LRMDA: variants seen among roughly 807,000 people sequenced by gnomAD.
LRMDA encodes leucine rich melanocyte differentiation associated, also known as leucine-rich melanocyte differentiation-associated protein.
A neutral mutation model predicts 29.8 loss-of-function variants in LRMDA; 18 were observed. The observed-to-expected ratio is 0.60, with a 90% confidence interval of 0.42 to 0.90. The LOEUF is 0.90. LRMDA is among the 40% of genes least tolerant of loss of function. The pLI, the probability that LRMDA is intolerant of heterozygous loss-of-function variation, is 0.00. For missense variants in LRMDA, 273 were observed against 273.9 expected (o/e 1.00, Z 0.02); for synonymous variants, 125 against 109.4 (o/e 1.14, Z -0.89).
chr10:76,555,003 C>T (rs533007305), intron 6 of LRMDA, among the ~76,000 whole-genome samples: 1 of 152,182 alleles, frequency 6.6e-6, no homozygotes, highest in East Asian at 1.9e-4. Context: ...TTCATGTTAT[C>T]CTAGTGCCAT....
chr10:75,746,732 G>T (rs771308116), intron 2 of LRMDA, among the ~76,000 whole-genome samples: 3 of 152,058 alleles, frequency 2.0e-5, no homozygotes, highest in Admixed American at 2.0e-4. Flanking sequence ...ATTTTTGGGG[G>T]GGGAGCTTAT....
At chr10:76,453,423 C>T (rs1021924748) in intron 6 of LRMDA, among the ~76,000 whole-genome samples, 4 of 152,158 alleles carry the variant, frequency 2.6e-5, no homozygotes, top group African/African-American at 9.7e-5. Context: ...ATATGACATA[C>T]AGAGTCTTCT....
At chr10:75,743,387 C>CT (rs1216622858) in intron 2 of LRMDA, 2 of 152,218 alleles carry the variant, frequency 1.3e-5, no homozygotes, top group African/African-American at 4.8e-5. Context: ...GTGGAGCTGC[C>CT]TGGGATGAGC....
chr10:75,779,932 A>C (rs929906348), intron 2 of LRMDA, among the ~76,000 whole-genome samples: 8 of 152,234 alleles, frequency 5.3e-5, no homozygotes, highest in African/African-American at 1.9e-4. Flanking sequence ...ATGAAATCAT[A>C]CTGGATTTAG....
chr10:75,940,573 A>G (rs2132409316), intron 2 of LRMDA, among the ~76,000 whole-genome samples: 1 of 152,202 alleles, frequency 6.6e-6, no homozygotes, highest in African/African-American at 2.4e-5. Flanking sequence ...GGCACTTGGC[A>G]CTTTCTGTCT....
chr10:75,761,322 CTA>C (rs1334981031), intron 2 of LRMDA, among the ~76,000 whole-genome samples: 2 of 152,146 alleles, frequency 1.3e-5, no homozygotes, highest in Non-Finnish European at 2.9e-5. Context: ...AAAATATAGC[CTA>C]TATTTACAAT....
intron 5 of LRMDA, among the ~76,000 whole-genome samples, chr10:76,155,825 T>G (rs756356008): frequency 6.6e-6 from 1 of 152,198 alleles, no homozygotes; most frequent in Non-Finnish European, 1.5e-5. Flanking sequence ...CTTATCAGCC[T>G]CCAGGTGTAA....
chr10:75,750,176 G>C (rs1842938477), intron 2 of LRMDA, among the ~76,000 whole-genome samples: 2 of 152,200 alleles, frequency 1.3e-5, no homozygotes, highest in South Asian at 4.1e-4. Context: ...GCTGGGCAGA[G>C]GGGCTCCTCA....
At chr10:76,241,500 A>T (rs1478376152) in intron 5 of LRMDA, among the ~76,000 whole-genome samples, 1 of 152,196 alleles carries the variant, frequency 6.6e-6, no homozygotes, top group Admixed American at 6.5e-5. Context: ...ATTTTCTTCC[A>T]TATAGTAATT....
At chr10:76,459,338 T>C (rs1352253897) in intron 6 of LRMDA, among the ~76,000 whole-genome samples, 1 of 152,164 alleles carries the variant, frequency 6.6e-6, no homozygotes, top group Non-Finnish European at 1.5e-5. Context: ...CTGCAGGTTT[T>C]GAAAGCTTTT....
chr10:76,036,106 T>G lies in LRMDA; in HGVS notation c.230T>G (p.Leu77Arg), dbSNP rs1335737886. Residue 77 changes from leucine (L) to arginine (R), a missense_variant, in exon 3 of 7, where the codon CTG (leucine) becomes CGG (arginine). Physicochemically the swap from Leu to Arg is moderately radical, Grantham distance 102. Coordinates refer to ENST00000611255, the MANE Select transcript of LRMDA (RefSeq NM_001305581.2). ...DDLVLPGLPRLHTLTLNKNRI... is the reference protein window; with the variant it reads ...DDLVLPGLPRRHTLTLNKNRI... ...CTTGTGTTGCCAGGGTTACCCAGAC[T>G]GCATACCTTAACCCTCAACAAGAAC... 1 of 1,614,032 alleles carries G rather than the reference T, an allele frequency of 6.2e-7. No homozygotes were observed. The highest frequency in any genetic ancestry group is 8.5e-7 in the Non-Finnish European group (1 of 1,180,020).
At chr10:75,609,663 G>A (rs1841003082) in intron 2 of LRMDA, among the ~76,000 whole-genome samples, 2 of 152,182 alleles carry the variant, frequency 1.3e-5, no homozygotes, top group African/African-American at 4.8e-5. Flanking sequence ...ATTGGAAGGA[G>A]CCCTAGCCTG....
intron 2 of LRMDA, among the ~76,000 whole-genome samples, chr10:75,933,520 A>G (rs940626706): frequency 3.9e-5 from 6 of 152,166 alleles, no homozygotes; most frequent in African/African-American, 1.4e-4. Flanking sequence ...CTGATATAGC[A>G]GTTGAAGTTG....
intron 2 of LRMDA, among the ~76,000 whole-genome samples, chr10:75,769,798 T>C (rs978496782): frequency 6.6e-6 from 1 of 152,188 alleles, no homozygotes; most frequent in African/African-American, 2.4e-5. Context: ...AACTGGCCAA[T>C]ATGGTGAAAC....
At chr10:75,770,098 C>T (rs1201723426) in intron 2 of LRMDA, among the ~76,000 whole-genome samples, 1 of 151,716 alleles carries the variant, frequency 6.6e-6, no homozygotes, top group Non-Finnish European at 1.5e-5. Context: ...TGAGACCAGC[C>T]TGGGCAAGAT....
chr10:76,232,126 GA>G (rs1019050009), intron 5 of LRMDA, among the ~76,000 whole-genome samples: 3 of 152,122 alleles, frequency 2.0e-5, no homozygotes, highest in Non-Finnish European at 4.4e-5. Context: ...AAAGGAGTCT[GA>G]ATAATAATAA....
intron 2 of LRMDA, among the ~76,000 whole-genome samples, chr10:75,609,313 A>G (rs1001556613): frequency 6.6e-6 from 1 of 152,216 alleles, no homozygotes; most frequent in African/African-American, 2.4e-5. Context: ...AGGGCTGTTC[A>G]TGAGTGAAGT....
chr10:75,789,765 G>T (rs529411628), intron 2 of LRMDA, among the ~76,000 whole-genome samples: 43 of 152,184 alleles, frequency 2.8e-4, no homozygotes, highest in Non-Finnish European at 3.4e-4. Flanking sequence ...ATGTCCCCAA[G>T]GCCCATTCTT....
chr10:76,459,938 G>T (rs531894093), intron 6 of LRMDA, among the ~76,000 whole-genome samples: 1 of 152,266 alleles, frequency 6.6e-6, no homozygotes, highest in East Asian at 1.9e-4. Context: ...AGTGCTCACT[G>T]GGTGATGAGC....
Sources: allele counts gnomAD v4.1 joint callset (sites outside exome capture counted in the v4.1 genomes callset), GRCh38; gene constraint gnomAD v4.1.1; transcripts MANE v1.5; gene names NCBI Gene and HGNC (gene_info 2026-07-23, HGNC 2026-07-21).